IDO2: variants seen among roughly 807,000 people sequenced by gnomAD.
IDO2 encodes indoleamine 2,3-dioxygenase-like 1 protein.
Under a neutral mutation model 45.1 loss-of-function variants are expected in IDO2, and 46 were observed. That is an observed-to-expected ratio of 1.02 (90% CI 0.80 to 1.30). The LOEUF is 1.30. Ranked by LOEUF, IDO2 falls within the 50% of genes most tolerant of loss-of-function variation. The probability of loss-of-function intolerance (pLI) is 0.00; values close to 1 mark genes in which losing one functional copy is unlikely to be tolerated. For missense variants in IDO2, 544 were observed against 491.8 expected (o/e 1.11, Z -1.00); for synonymous variants, 218 against 184.9 (o/e 1.18, Z -1.45).
chr8:40,005,286 C>A (rs773999027), intron 8 of IDO2, 41 bp from the exon 9 acceptor site: 18 of 1,467,484 alleles, frequency 1.2e-5, no homozygotes, highest in African/African-American at 2.7e-5. Flanking sequence ...CAATTGCTTT[C>A]TTTGCCTGTA....
intron 3 of IDO2, among the ~76,000 whole-genome samples, chr8:39,969,509 G>A (rs753598678): frequency 1.3e-5 from 2 of 152,016 alleles, no homozygotes; most frequent in African/African-American, 4.8e-5. Flanking sequence ...ATTGAAATTA[G>A]GCCAATTAAT....
intron 1 of IDO2, among the ~76,000 whole-genome samples, chr8:39,943,503 C>T (rs1261862046): frequency 4.0e-5 from 6 of 151,720 alleles, no homozygotes; most frequent in Non-Finnish European, 4.4e-5. Context: ...TCTAGGAGGC[C>T]GAGGCGGGCA....
chr8:40,012,613 G>C (rs1287467305), intron 9 of IDO2, among the ~76,000 whole-genome samples: 1 of 152,204 alleles, frequency 6.6e-6, no homozygotes, highest in Non-Finnish European at 1.5e-5. Flanking sequence ...CCCACAAACT[G>C]TGATTGTTCA....
chr8:39,982,699 C>G, exon 5 of IDO2: 1 of 1,612,012 alleles, frequency 6.2e-7, no homozygotes, highest in Non-Finnish European at 8.5e-7. Context: ...TCTCCAGGAA[C>G]TTGGGGCTCC....
chr8:39,974,685 C>T (rs970716014), intron 3 of IDO2, among the ~76,000 whole-genome samples: 3 of 152,174 alleles, frequency 2.0e-5, no homozygotes, highest in African/African-American at 7.2e-5. Context: ...TTGGGAGGCC[C>T]ATGTGGGCAG....
chr8:39,975,844 CTG>C (rs1217205001), intron 3 of IDO2, among the ~76,000 whole-genome samples: 1 of 151,942 alleles, frequency 6.6e-6, no homozygotes, highest in East Asian at 1.9e-4. Context: ...CATAAAATAA[CTG>C]TGAAAATAAA....
intron 1 of IDO2, among the ~76,000 whole-genome samples, chr8:39,948,440 G>A (rs1452806164): frequency 2.0e-5 from 3 of 152,124 alleles, no homozygotes; most frequent in African/African-American, 7.2e-5. Flanking sequence ...ATGAGCTAAG[G>A]TCACAGTAAG....
Position 39,935,142 on chromosome 8 carries a change from GA to G in IDO2, c.-90del. 1 of 1,568,174 alleles carries G rather than the reference GA, an allele frequency of 6.4e-7. No homozygotes were observed. Among genetic ancestry groups the G allele is most frequent in the Non-Finnish European group, 8.8e-7 (1 of 1,138,182 alleles). On this transcript the variant is annotated 5_prime_UTR_variant, in exon 1 of 11. The change creates a premature stop within an existing upstream ORF in the 5' untranslated region. Transcript: ENST00000502986. ...GCAATGGACACCTAAAGAACAGAAT[GA>G]AAACCTTCTTAGGAAATGAAGCTTG... is the stretch of plus-strand genomic sequence containing the variant.
At chr8:39,939,546 C>CAAAAA (rs55892879) in intron 1 of IDO2, among the ~76,000 whole-genome samples, 6 of 71,266 alleles carry the variant, frequency 8.4e-5, no homozygotes, top group African/African-American at 1.7e-4. Flanking sequence ...GACTCTGTCT[C>CAAAAA]AAAAAAAAAA....
intron 3 of IDO2, among the ~76,000 whole-genome samples, chr8:39,966,292 C>T (rs1416245409): frequency 6.6e-6 from 1 of 151,980 alleles, no homozygotes; most frequent in Admixed American, 6.6e-5. Flanking sequence ...CTCCCAAAGC[C>T]CTGGGATTAC....
chr8:39,995,094 A>C (rs1488602703), intron 8 of IDO2: 1 of 152,166 alleles, frequency 6.6e-6, no homozygotes, highest in African/African-American at 2.4e-5. Flanking sequence ...TTCAATTAAA[A>C]GGCAAAATGA....
At chr8:39,949,220 T>C (rs754275366) in exon 2 of IDO2, 1 of 1,606,116 alleles carries the variant, frequency 6.2e-7, no homozygotes, top group Non-Finnish European at 8.5e-7. Flanking sequence ...TTTGGAAAGC[T>C]ATCACATATC....
intron 2 of IDO2, among the ~76,000 whole-genome samples, chr8:39,952,577 T>A (rs1807828582): frequency 6.6e-6 from 1 of 152,186 alleles, no homozygotes; most frequent in South Asian, 2.1e-4. Flanking sequence ...GGAAAATGTG[T>A]GCCTCACCAA....
At chr8:39,957,591 GAC>G (rs1347166976) in intron 2 of IDO2, among the ~76,000 whole-genome samples, 1 of 152,200 alleles carries the variant, frequency 6.6e-6, no homozygotes, top group African/African-American at 2.4e-5. Flanking sequence ...CAGTGTGGGT[GAC>G]AGAGTGAGAT....
intron 8 of IDO2, among the ~76,000 whole-genome samples, chr8:39,992,952 CA>C (rs958793338): frequency 6.6e-6 from 1 of 152,130 alleles, no homozygotes; most frequent in African/African-American, 2.4e-5. Flanking sequence ...CAGCTTTTCT[CA>C]GTTTTGTAAA....
At chr8:39,949,775 T>C (rs1807787373) in intron 2 of IDO2, among the ~76,000 whole-genome samples, 1 of 152,166 alleles carries the variant, frequency 6.6e-6, no homozygotes, top group Non-Finnish European at 1.5e-5. Flanking sequence ...GACATTTTGA[T>C]GTAAATTAGT....
intron 1 of IDO2, among the ~76,000 whole-genome samples, chr8:39,940,504 A>T (rs1807626711): frequency 6.6e-6 from 1 of 152,202 alleles, no homozygotes; most frequent in African/African-American, 2.4e-5. Context: ...AATTTTGCAG[A>T]AAGAAAACAA....
Position 39,951,895 on chromosome 8 carries a change from T to C in IDO2, c.99+2631T>C, listed in dbSNP as rs570426029. On this transcript the variant is annotated intron_variant, in intron 2 of 10. Coordinates refer to ENST00000502986, the Ensembl canonical transcript of IDO2. Reference sequence around the variant, plus strand: ...CCTCTTTCATAACTACGGAAACAGATGAGAAACATTTACGGCATCAGGTTC... The same window carrying C: ...CCTCTTTCATAACTACGGAAACAGACGAGAAACATTTACGGCATCAGGTTC... 3.9e-4 allele frequency among the ~76,000 whole-genome samples: 60 copies of C among 152,288 alleles called. 1 individual carries two copies. The South Asian group carries it at 0.012, about 31-fold the overall frequency.
chr8:39,985,480 T>G, intron 5 of IDO2, 28 bp from the exon 6 acceptor site: 2 of 1,548,992 alleles, frequency 1.3e-6, no homozygotes, highest in Non-Finnish European at 1.8e-6. Context: ...TCTCTCTTGG[T>G]GGTCATCAAT....
Sources: allele counts gnomAD v4.1 joint callset (sites outside exome capture counted in the v4.1 genomes callset), GRCh38; gene constraint gnomAD v4.1.1; transcripts MANE v1.5; gene names NCBI Gene and HGNC (gene_info 2026-07-23, HGNC 2026-07-21).